POLD1: variants seen among roughly 807,000 people sequenced by gnomAD.
The protein encoded by POLD1 is DNA polymerase delta 1, catalytic subunit, also known as DNA polymerase delta catalytic subunit.
Under a neutral mutation model 129.7 loss-of-function variants are expected in POLD1, and 79 were observed. The ratio of observed to expected loss-of-function variants is 0.61; its 90% CI spans 0.51 to 0.73. The LOEUF is 0.73. Ranked by LOEUF, POLD1 falls within the 30% of genes least tolerant of loss-of-function variation. The pLI is 0.00. For missense variants in POLD1, 1,338 were observed against 1,595.8 expected, an observed-to-expected ratio of 0.84 and a Z score of 2.75; for synonymous variants, 714 against 683.3, an observed-to-expected ratio of 1.04 and a Z score of -0.70.
chr19:50,405,962 C>T (rs1036424568), intron 10 of POLD1, among the ~76,000 whole-genome samples: 1 of 151,460 alleles, frequency 6.6e-6, no homozygotes, highest in Non-Finnish European at 1.5e-5. Flanking sequence ...GCCCCTGACT[C>T]TCGCTATCCC....
At chr19:50,417,297 G>GC in intron 26 of POLD1, 28 bp downstream of exon 26, 1 of 1,490,570 alleles carries the variant, frequency 6.7e-7, no homozygotes, top group South Asian at 1.2e-5. Context: ...ACCCTGGGCT[G>GC]CCCCGCCCCT....
chr19:50,400,511 G>A (rs2038555643), intron 3 of POLD1, among the ~76,000 whole-genome samples: 2 of 139,780 alleles, frequency 1.4e-5, no homozygotes, highest in Admixed American at 7.5e-5. Context: ...GTGAGTAACT[G>A]TGCCCCGCCT....
intron 17 of POLD1, among the ~76,000 whole-genome samples, chr19:50,411,566 C>T (rs1340799925): frequency 2.0e-5 from 3 of 152,218 alleles, no homozygotes; most frequent in Admixed American, 2.0e-4. Flanking sequence ...ATTGGCTGGG[C>T]GCGGTGGCTC....
chr19:50,415,614 G>A (rs1037318876), intron 21 of POLD1, 24 bp downstream of exon 21: 3 of 1,605,518 alleles, frequency 1.9e-6, no homozygotes, highest in African/African-American at 2.7e-5. Flanking sequence ...CGGGTGGCCT[G>A]GCCAGAAATA....
rs1042614681 is a variant in POLD1, at chr19:50,413,429, G to A, written c.2158G>A (p.Val720Ile). 4 of 1,612,868 alleles carry A rather than the reference G, an allele frequency of 2.5e-6. No homozygotes were observed. Among genetic ancestry groups the A allele is most frequent in the Non-Finnish European group, 3.4e-6 (4 of 1,179,332 alleles). The change falls in exon 18 of 27, where the codon GTC becomes ATC. Residue 720 changes from valine (V) to isoleucine (I), a missense_variant. Val to Ile is a conservative substitution (Grantham distance 29). Around this residue, in one of 3 missense-constraint regions of POLD1, gnomAD observed 720 missense variants for 1,002.6 expected, o/e 0.72. Coordinates refer to ENST00000440232, the MANE Select transcript of POLD1 (RefSeq NM_002691.4). ...CGCATGATTCTCTCCCCGACAGAGC[G>A]TCACGGGGTTCGGACGTCAGATGAT... ...KLPCLEISQS[V>I]TGFGRQMIEK...
At chr19:50,399,085 C>A (rs1371642679) in intron 2 of POLD1, 32 bp downstream of exon 2, 1 of 1,550,368 alleles carries the variant, frequency 6.5e-7, no homozygotes, top group South Asian at 1.2e-5. Flanking sequence ...TCCTGCTGCC[C>A]AACCCATTGC....
chr19:50,404,785 G>A (rs576367199), intron 10 of POLD1, among the ~76,000 whole-genome samples: 4 of 146,316 alleles, frequency 2.7e-5, no homozygotes, highest in Non-Finnish European at 4.5e-5. Context: ...ATGGAATTTC[G>A]CTCTTGTTGC....
At chr19:50,417,013 C>T (rs2039324377) in intron 24 of POLD1, 32 bp from the exon 25 acceptor site, 5 of 1,543,434 alleles carry the variant, frequency 3.2e-6, no homozygotes, top group Non-Finnish European at 4.4e-6. Context: ...CTGGCTGGGC[C>T]CCAGCACTTG....
At chr19:50,404,507 C>G (rs1000748730) in intron 10 of POLD1, among the ~76,000 whole-genome samples, 5 of 149,012 alleles carry the variant, frequency 3.4e-5, no homozygotes, top group South Asian at 4.2e-4. Flanking sequence ...TGTGATCCGT[C>G]TGCCTCGGCC....
chr19:50,415,899 C>T, intron 22 of POLD1, 73 bp downstream of exon 22: 2 of 1,169,944 alleles, frequency 1.7e-6, no homozygotes, highest in Non-Finnish European at 1.2e-6. Context: ...ATGGGCGGGC[C>T]TGCGGGAAGG....
At position 50,409,746 on chromosome 19, in the gene POLD1, C is replaced by A. The variant is rs2039028654; in HGVS notation, c.2154+80C>A. ...GAGACCAGGGCTCCATGTGGGGGAC[C>A]TGTATCCAGAGGACTGGGCACCCCA... On this transcript the variant is annotated intron_variant, in intron 17 of 26. Coordinates refer to ENST00000440232, the MANE Select transcript of POLD1 (RefSeq NM_002691.4). This position sits in a 1 kb window ranked among gnomAD's most constrained non-coding sequence, Gnocchi z 5.8. 2 of 1,463,308 alleles carry A rather than the reference C, an allele frequency of 1.4e-6. No homozygotes were observed. Among genetic ancestry groups the A allele is most frequent in the Non-Finnish European group, 1.8e-6 (2 of 1,084,372 alleles). The allele number at this position is 1,463,308 out of a possible 1,614,324, so 90.6% of individuals were successfully genotyped here. A position where few individuals can be genotyped will look rare whatever the true frequency, so the allele number is the denominator to read the frequency against.
At chr19:50,398,570 C>CAAAAAAAAA (rs35689550) in intron 1 of POLD1, among the ~76,000 whole-genome samples, 1 of 64,242 alleles carries the variant, frequency 1.6e-5, no homozygotes. Context: ...AATTCCATCT[C>CAAAAAAAAA]AAAAAAAAAA....
chr19:50,396,875 C>T (rs920851346), intron 1 of POLD1, among the ~76,000 whole-genome samples: 7 of 150,918 alleles, frequency 4.6e-5, no homozygotes, highest in Admixed American at 1.3e-4. Flanking sequence ...GCAGGTGGAT[C>T]ACCTGAGGTC....
intron 1 of POLD1, among the ~76,000 whole-genome samples, chr19:50,393,787 CGTAAGCAGTCACT>C (rs2038248743): frequency 6.6e-6 from 1 of 152,146 alleles, no homozygotes. Context: ...CCCCATACTC[CGTAAGCAGTCACT>C]CCTCATTCCC....
intron 1 of POLD1, 132 bp from the exon 2 acceptor site, chr19:50,398,719 A>C: frequency 7.1e-7 from 1 of 1,414,526 alleles, no homozygotes; most frequent in Non-Finnish European, 9.4e-7. Context: ...CAGGGTGCAG[A>C]GAGCTATGTT....
At chr19:50,386,849 A>G (rs1018365300) in intron 1 of POLD1, among the ~76,000 whole-genome samples, 3 of 152,196 alleles carry the variant, frequency 2.0e-5, no homozygotes, top group African/African-American at 7.2e-5. Context: ...CAAGGCCGAA[A>G]GCATGCAGGT....
rs776358416 is a variant in POLD1 at position 50,413,765 on chromosome 19, C to T, written c.2274C>T (p.Ser758=). 2.0e-5 allele frequency: 32 copies of T among 1,608,938 alleles called. No homozygotes were observed. The highest frequency in any genetic ancestry group is 9.3e-5 in the African/African-American group (7 of 74,870). The change falls in exon 19 of 27, where the codon TCC becomes TCT. Residue 758 remains serine (S), a synonymous_variant. Coordinates refer to ENST00000440232, the MANE Select transcript of POLD1 (RefSeq NM_002691.4). ...AGGTGGTGTATGGTGACACTGACTC[C>T]GTCATGTGCCGATTCGGCGTGTCCT... The part of the protein sequence containing the change: ...SAKVVYGDTD[S]VMCRFGVSSV...
intron 1 of POLD1, among the ~76,000 whole-genome samples, chr19:50,394,257 G>A (rs1354907620): frequency 1.3e-5 from 2 of 152,164 alleles, no homozygotes; most frequent in Non-Finnish European, 2.9e-5. Context: ...ACTTAGTCAC[G>A]TGGCCCTCCT....
At position 50,398,484 on chromosome 19, in the gene POLD1, C is replaced by T. The variant is rs186892373; in HGVS notation, c.-1-367C>T. 1.1e-3 allele frequency among the ~76,000 whole-genome samples: 157 copies of T among 144,188 alleles called. 3 individuals are homozygous for T. Among genetic ancestry groups the T allele is most frequent in the African/African-American group, 3.5e-3 (135 of 39,088 alleles). The allele number at this position is 144,188 out of a possible 152,430, so 94.6% of individuals were successfully genotyped here. On this transcript the variant is annotated intron_variant, in intron 1 of 26. Coordinates refer to ENST00000440232, the MANE Select transcript of POLD1 (RefSeq NM_002691.4). ...CTACTCGGGAGGCTGAGGGGAGAATCGCTTGAACCTGGGAGGTAGAGCTTG... is the reference window on the plus strand; with the variant it reads ...CTACTCGGGAGGCTGAGGGGAGAATTGCTTGAACCTGGGAGGTAGAGCTTG...
Sources: gnomAD v4.1 joint callset for allele counts (sites outside exome capture counted in the v4.1 genomes callset) on GRCh38, gnomAD v4.1.1 for gene constraint, gnomAD v4.1.1 regional missense constraint, Gnocchi (gnomAD v3.1) non-coding constraint, MANE v1.5 for transcripts, NCBI Gene and HGNC (gene_info 2026-07-23, HGNC 2026-07-21) for gene names.